Variants in KIF13B observed in about 807,000 individuals in gnomAD.
The protein encoded by KIF13B is kinesin-like protein KIF13B.
Under a neutral mutation model 222.0 loss-of-function variants are expected in KIF13B, and 127 were observed. The ratio of observed to expected loss-of-function variants is 0.57; its 90% CI spans 0.50 to 0.66. The LOEUF is 0.66. KIF13B is among the 30% of genes least tolerant of loss of function. The pLI is 0.00. For synonymous variants in KIF13B, 976 were observed against 919.0 expected (o/e 1.06, Z -1.12); for missense variants, 2,173 against 2,379.0 (o/e 0.91, Z 1.80).
chr8:29,071,690 C>G lies in KIF13B; in HGVS notation c.5148G>C (p.Val1716=). The G allele has an allele frequency of 6.4e-7, 1 of 1,553,350 alleles. No homozygotes were observed. Among genetic ancestry groups the G allele is most frequent in the Non-Finnish European group, 8.7e-7 (1 of 1,148,658 alleles). The part of the protein sequence containing the change: ...FVTVGAHKTG[V]VRYVGPADFQ... ...AGTCGGCAGGCCCCACGTATCTCAC[C>G]ACGCCCGTTTTGTGGGCGCCCACGG... is the stretch of plus-strand genomic sequence containing the variant. Residue 1716 remains valine (V), a synonymous_variant, in exon 39 of 40, where the codon GTG becomes GTC. Transcript: ENST00000524189. The surrounding 1 kb of genome is among the most constrained non-coding windows in gnomAD (Gnocchi z 4.9).
At position 29,123,428 on chromosome 8, in the gene KIF13B, C is replaced by A; in HGVS notation, c.3417G>T (p.Glu1139Asp). 6.2e-7 allele frequency: 1 copy of A among 1,614,092 alleles called. No individual in the cohort carries two copies. The highest frequency in any genetic ancestry group is 2.2e-5 in the East Asian group (1 of 44,892). The change falls in exon 28 of 40, where the codon GAG (glutamate) becomes GAT (aspartate). Residue 1139 changes from glutamate to aspartate, a missense_variant. Physicochemically the swap from Glu to Asp is conservative, Grantham distance 45. Around this residue, in one of 2 missense-constraint regions of KIF13B, gnomAD observed 1,480 missense variants for 1,722.8 expected, o/e 0.86. Coordinates refer to ENST00000524189, the MANE Select transcript of KIF13B (RefSeq NM_015254.4). ...QLLEMRLTLT[E>D]ERNAVMVPSA... is the part of the protein sequence containing the mutation. The stretch of plus-strand genomic sequence containing the variant: ...AGGGGACCATCACCGCGTTCCTCTC[C>A]TCAGTTAGGGTCAACCGCATCTCCA...
At position 29,068,249 on chromosome 8, in the gene KIF13B, G is replaced by A. The variant is rs1807089017; in HGVS notation, c.*2255C>T. On this transcript the variant is annotated 3_prime_UTR_variant, in exon 40 of 40. Coordinates refer to ENST00000524189, the MANE Select transcript of KIF13B (RefSeq NM_015254.4). This position sits in a 1 kb window ranked among gnomAD's most constrained non-coding sequence, Gnocchi z 4.4. ...GCAGGCGTTCTTGGGAGGTGAGTCT[G>A]CTGGTCAGGGAGGCAAGAAAAGAAG... The A allele has an allele frequency of 6.6e-6, 1 of 152,486 alleles. No homozygotes were observed. Among genetic ancestry groups the A allele is most frequent in the Non-Finnish European group, 1.5e-5 (1 of 68,220 alleles). The allele number at this position is 152,486 out of a possible 1,614,324, so 9.4% of individuals were successfully genotyped here. A position where few individuals can be genotyped will look rare whatever the true frequency, so the allele number is the denominator to read the frequency against.
In KIF13B at chr8:29,262,982, C is replaced by G; in HGVS notation, c.53G>C (p.Arg18Pro). 6.3e-7 allele frequency: 1 copy of G among 1,591,756 alleles called. No homozygotes were observed. Among genetic ancestry groups the G allele is most frequent in the Non-Finnish European group, 8.5e-7 (1 of 1,170,734 alleles). The change falls in exon 1 of 40, where the codon CGA (arginine) becomes CCA (proline). Residue 18 changes from arginine (R) to proline (P), a missense_variant and splice_region_variant. Arg to Pro is a moderately radical substitution (Grantham distance 103, BLOSUM62 -2). Around this residue, in one of 2 missense-constraint regions of KIF13B, gnomAD observed 1,480 missense variants for 1,722.8 expected, o/e 0.86. Coordinates refer to ENST00000524189, the MANE Select transcript of KIF13B (RefSeq NM_015254.4). ...VAVRIRPMNR[R>P]ETDLHTKCVV... is the part of the protein sequence containing the mutation. Reference sequence around the variant, plus strand: ...GCCCAGGAGGGCTCGGCTCTCACCTCGCCGGTTCATGGGTCGTATCCGCAC... The same window carrying G: ...GCCCAGGAGGGCTCGGCTCTCACCTGGCCGGTTCATGGGTCGTATCCGCAC...
At chr8:29,122,705 T>C in intron 28 of KIF13B, 59 bp from the exon 29 acceptor site, 1 of 1,365,496 alleles carries the variant, frequency 7.3e-7, no homozygotes, top group South Asian at 1.2e-5. Flanking sequence ...GGCATGCACG[T>C]AGGAACACAG....
chr8:29,238,539 T>C (rs1815615095), intron 2 of KIF13B, among the ~76,000 whole-genome samples: 1 of 152,222 alleles, frequency 6.6e-6, no homozygotes, highest in Non-Finnish European at 1.5e-5. Flanking sequence ...AAAAAGATGA[T>C]GTGATCAACA....
At chr8:29,130,403 A>T in intron 24 of KIF13B, 130 bp downstream of exon 24, 1 of 956,062 alleles carries the variant, frequency 1.0e-6, no homozygotes, top group Middle Eastern at 2.2e-4. Context: ...ATGAGATAGG[A>T]GAATTTTAAT....
intron 2 of KIF13B, among the ~76,000 whole-genome samples, chr8:29,211,444 G>GGCCAGGAACGGGGAA (rs377737259): frequency 3.9e-5 from 6 of 152,034 alleles, no homozygotes; most frequent in African/African-American, 1.4e-4. Context: ...TACTTTCCTG[G>GGCCAGGAACGGGGAA]CCCAGGCCAG....
chr8:29,207,369 TG>T (rs1335432695), intron 2 of KIF13B, among the ~76,000 whole-genome samples: 3 of 152,142 alleles, frequency 2.0e-5, no homozygotes, highest in Non-Finnish European at 4.4e-5. Context: ...CCAATTCCCT[TG>T]GGTCTTCTTT....
At chr8:29,084,802 G>C (rs78367377) in intron 37 of KIF13B, among the ~76,000 whole-genome samples, 1 of 152,152 alleles carries the variant, frequency 6.6e-6, no homozygotes, top group Non-Finnish European at 1.5e-5. Context: ...TTTATGTGCT[G>C]TCTGAGAAAC....
rs1228352234 is a variant in KIF13B at position 29,186,309 on chromosome 8, G to A, written c.480C>T (p.Asp160=). 1 of 1,612,536 alleles carries A rather than the reference G, an allele frequency of 6.2e-7. No homozygotes were observed. Among genetic ancestry groups the A allele is most frequent in the Non-Finnish European group, 8.5e-7 (1 of 1,179,178 alleles). ...YMEIYNEKVR[D]LLDPKGSRQT... Reference sequence around the variant, plus strand: ...TCCTTTACCCTTTGGGATCAAGAAGGTCTCGAACTTTTTCATTATAAATTT... The same window carrying A: ...TCCTTTACCCTTTGGGATCAAGAAGATCTCGAACTTTTTCATTATAAATTT... Residue 160 remains aspartate, a synonymous_variant, in exon 6 of 40, where the codon GAC becomes GAT. Transcript: ENST00000524189.
intron 2 of KIF13B, among the ~76,000 whole-genome samples, chr8:29,244,508 C>T (rs994772012): frequency 6.6e-6 from 1 of 152,150 alleles, no homozygotes; most frequent in South Asian, 2.1e-4. Context: ...GTCAGCCTAT[C>T]CCCACTCTGA....
intron 2 of KIF13B, among the ~76,000 whole-genome samples, chr8:29,226,504 G>A (rs561479132): frequency 2.0e-5 from 3 of 152,208 alleles, no homozygotes; most frequent in Non-Finnish European, 2.9e-5. Flanking sequence ...TAGGTGGCCC[G>A]GAAAGCCCAT....
intron 21 of KIF13B, among the ~76,000 whole-genome samples, chr8:29,136,406 C>A (rs1457056345): frequency 1.3e-5 from 2 of 151,914 alleles, no homozygotes; most frequent in Non-Finnish European, 2.9e-5. Context: ...TGGAGAAACC[C>A]CGTCTCTACT....
chr8:29,134,546 A>G (rs1003186770), intron 21 of KIF13B, among the ~76,000 whole-genome samples: 3 of 152,252 alleles, frequency 2.0e-5, no homozygotes, highest in African/African-American at 7.2e-5. Context: ...AGCACTCTTC[A>G]ATGATATGAA....
chr8:29,119,839 T>C (rs149617845), intron 29 of KIF13B, among the ~76,000 whole-genome samples: 157 of 152,280 alleles, frequency 1.0e-3, no homozygotes, highest in African/African-American at 3.7e-3. Context: ...TCTAACTCTA[T>C]GCATAGAAAA....
chr8:29,227,843 C>A (rs1025953324), intron 2 of KIF13B, among the ~76,000 whole-genome samples: 2 of 152,016 alleles, frequency 1.3e-5, no homozygotes, highest in African/African-American at 4.8e-5. Context: ...CCCAGCTACT[C>A]AGGAGGCTGA....
intron 29 of KIF13B, 49 bp downstream of exon 29, chr8:29,122,542 G>C: frequency 6.9e-7 from 1 of 1,457,114 alleles, no homozygotes; most frequent in Non-Finnish European, 9.5e-7. Context: ...ATGTTATGTA[G>C]GCACTAAATT....
chr8:29,115,212 T>G (rs1422801255), intron 31 of KIF13B, among the ~76,000 whole-genome samples: 1 of 152,084 alleles, frequency 6.6e-6, no homozygotes, highest in South Asian at 2.1e-4. Flanking sequence ...TCATCTGTAC[T>G]GGTTTTAGTC....
At chr8:29,113,360 A>G (rs1809444089) in intron 32 of KIF13B, 103 bp downstream of exon 32, 2 of 627,932 alleles carry the variant, frequency 3.2e-6, no homozygotes, top group Admixed American at 6.4e-5. Context: ...TTCCCTAAAC[A>G]TACACTTTCA....
Sources: gnomAD v4.1 joint callset for allele counts (sites outside exome capture counted in the v4.1 genomes callset) on GRCh38, gnomAD v4.1.1 for gene constraint, gnomAD v4.1.1 regional missense constraint, Gnocchi (gnomAD v3.1) non-coding constraint, MANE v1.5 for transcripts, NCBI Gene and HGNC (gene_info 2026-07-23, HGNC 2026-07-21) for gene names.